Variants in KAZN observed in about 807,000 individuals in gnomAD.
KAZN encodes kazrin, periplakin interacting protein, also known as kazrin.
In KAZN, 40 loss-of-function variants were observed where a neutral mutation model predicts 87.4. That is an observed-to-expected ratio of 0.46 (90% CI 0.36 to 0.60). KAZN has a LOEUF of 0.60. Ranked by LOEUF, KAZN falls within the 20% of genes least tolerant of loss-of-function variation. The pLI, the probability that KAZN is intolerant of heterozygous loss-of-function variation, is 0.00. For synonymous variants in KAZN, 466 were observed against 458.3 expected (o/e 1.02, Z -0.22); for missense variants, 898 against 1,073.9 (o/e 0.84, Z 2.29).
chr1:13,956,014 C>T (rs971013047), intron 1 of KAZN, among the ~76,000 whole-genome samples: 8 of 152,170 alleles, frequency 5.3e-5, no homozygotes, highest in South Asian at 2.1e-4. Context: ...CCCAGCACCT[C>T]GTAGGACCTG....
intron 1 of KAZN, among the ~76,000 whole-genome samples, chr1:14,094,391 G>A (rs959185822): frequency 6.6e-6 from 1 of 152,160 alleles, no homozygotes; most frequent in South Asian, 2.1e-4. Flanking sequence ...CTTCAGGTAA[G>A]TCAAAAATTC....
chr1:13,937,053 T>G (rs893785485), intron 1 of KAZN, among the ~76,000 whole-genome samples: 2 of 38,834 alleles, frequency 5.2e-5, no homozygotes, highest in African/African-American at 1.7e-4. Context: ...TTTCTTTTGT[T>G]TTTTTTTTTT....
chr1:14,886,225 C>A (rs571928755), intron 1 of KAZN, among the ~76,000 whole-genome samples: 1 of 151,732 alleles, frequency 6.6e-6, no homozygotes, highest in Non-Finnish European at 1.5e-5. Context: ...AGTTCGGGAC[C>A]GGCCTGGGCA....
At chr1:14,650,392 T>C (rs916712541) in intron 1 of KAZN, among the ~76,000 whole-genome samples, 2 of 152,020 alleles carry the variant, frequency 1.3e-5, no homozygotes, top group African/African-American at 4.8e-5. Context: ...TCACCTCTAC[T>C]AAAAATTAAA....
intron 2 of KAZN, among the ~76,000 whole-genome samples, chr1:14,372,150 G>A (rs1388731437): frequency 6.6e-6 from 1 of 152,188 alleles, no homozygotes; most frequent in Non-Finnish European, 1.5e-5. Context: ...CAAATGACGA[G>A]TTTGTATCAA....
chr1:14,348,878 ATCCACC>A (rs1308118794), intron 2 of KAZN: 1 of 152,214 alleles, frequency 6.6e-6, no homozygotes, highest in East Asian at 1.9e-4. Flanking sequence ...ATGTGTTCAG[ATCCACC>A]ATATAATCTG....
intron 3 of KAZN, among the ~76,000 whole-genome samples, chr1:15,036,917 A>G (rs1158244174): frequency 6.6e-6 from 1 of 152,188 alleles, no homozygotes; most frequent in Non-Finnish European, 1.5e-5. Context: ...GCTGATAGAC[A>G]CAGAGAGGGG....
chr1:14,634,214 C>A (rs1557852752), intron 1 of KAZN, among the ~76,000 whole-genome samples: 1 of 152,168 alleles, frequency 6.6e-6, no homozygotes, highest in South Asian at 2.1e-4. Flanking sequence ...CACATTTACA[C>A]CATATTGGCA....
chr1:14,265,376 A>G (rs571669806), intron 2 of KAZN, among the ~76,000 whole-genome samples: 2 of 152,312 alleles, frequency 1.3e-5, no homozygotes, highest in Non-Finnish European at 2.9e-5. Context: ...CCACCTACGC[A>G]TTATCACAAC....
rs549619877 is a variant in KAZN, at chr1:14,503,042, C to A, written c.250-95941C>A. Among the ~76,000 whole-genome samples the A allele has an allele frequency of 5.9e-5, 9 of 152,156 alleles. 1 individual carries two copies. The highest frequency in any genetic ancestry group is 4.1e-4 in the South Asian group (2 of 4,820). On this transcript the variant is annotated intron_variant, in intron 2 of 16. Coordinates refer to the KAZN transcript ENST00000636203. ...GACCCAAATGAATGAACCTCTAATG[C>A]AGGCTCAGGGGTCCTGGGGCAGGTA...
intron 2 of KAZN, among the ~76,000 whole-genome samples, chr1:14,387,098 A>T (rs1661981301): frequency 2.0e-5 from 3 of 152,074 alleles, no homozygotes; most frequent in Admixed American, 1.3e-4. Flanking sequence ...CTTCCAGTTG[A>T]TCGCATCAGC....
chr1:14,680,933 G>T (rs147488109), intron 1 of KAZN, among the ~76,000 whole-genome samples: 1,637 of 152,314 alleles, frequency 0.011, 31 homozygotes, highest in African/African-American at 0.037. Flanking sequence ...GTGCTGGCGT[G>T]CTTGGCTTCT....
chr1:14,870,636 C>G (rs954970261), intron 1 of KAZN, among the ~76,000 whole-genome samples: 1 of 152,146 alleles, frequency 6.6e-6, no homozygotes, highest in Admixed American at 6.5e-5. Flanking sequence ...CCCCCAGGCC[C>G]GGTTTTCCTC....
chr1:14,876,951 T>G (rs902494488), intron 1 of KAZN, among the ~76,000 whole-genome samples: 1 of 152,184 alleles, frequency 6.6e-6, no homozygotes, highest in African/African-American at 2.4e-5. Flanking sequence ...ATTTTTGAGT[T>G]TCAGGTGACA....
At chr1:14,791,744 A>G (rs1721827) in intron 1 of KAZN, among the ~76,000 whole-genome samples, 21,318 of 152,248 alleles carry the variant, frequency 0.14, 1,879 homozygotes, top group Admixed American at 0.24. Flanking sequence ...TGCAGAGAGC[A>G]GCTCCCGGCC....
intron 2 of KAZN, among the ~76,000 whole-genome samples, chr1:14,211,788 T>C (rs1253446946): frequency 1.3e-5 from 2 of 152,196 alleles, no homozygotes; most frequent in African/African-American, 2.4e-5. Flanking sequence ...TCCAAATTTA[T>C]CAGCTTACCA....
At chr1:14,917,805 T>C (rs1409574598) in intron 1 of KAZN, among the ~76,000 whole-genome samples, 1 of 152,198 alleles carries the variant, frequency 6.6e-6, no homozygotes, top group African/African-American at 2.4e-5. Context: ...TCAGTTTGTC[T>C]TCTCTCCTAG....
At chr1:14,540,909 G>A (rs1571893446) in intron 2 of KAZN, among the ~76,000 whole-genome samples, 1 of 152,110 alleles carries the variant, frequency 6.6e-6, no homozygotes, top group South Asian at 2.1e-4. Flanking sequence ...CTCCCAGCTG[G>A]GTTTTTCAGT....
intron 1 of KAZN, among the ~76,000 whole-genome samples, chr1:13,958,099 G>A (rs1353436094): frequency 6.6e-6 from 1 of 152,148 alleles, no homozygotes; most frequent in Non-Finnish European, 1.5e-5. Flanking sequence ...CCATGTGCTG[G>A]GCATTGCTCA....
Sources: gnomAD v4.1 joint callset for allele counts (sites outside exome capture counted in the v4.1 genomes callset) on GRCh38, gnomAD v4.1.1 for gene constraint, MANE v1.5 for transcripts, NCBI Gene and HGNC (gene_info 2026-07-23, HGNC 2026-07-21) for gene names.